FAM135B: variants seen among roughly 807,000 people sequenced by gnomAD.
The protein encoded by FAM135B is family with sequence similarity 135 member B, also known as protein FAM135B.
A neutral mutation model predicts 127.7 loss-of-function variants in FAM135B; 43 were observed. The ratio of observed to expected loss-of-function variants is 0.34; its 90% confidence interval spans 0.26 to 0.43. The LOEUF (loss-of-function observed/expected upper bound fraction) is 0.43. FAM135B is among the 20% of genes least tolerant of loss of function. The probability of loss-of-function intolerance (pLI) is 1.00; values close to 1 mark genes in which losing one functional copy is unlikely to be tolerated. For missense variants in FAM135B, 1,558 were observed against 1,725.6 expected, an observed-to-expected ratio of 0.90 and a Z score of 1.72; for synonymous variants, 670 against 665.1, an observed-to-expected ratio of 1.01 and a Z score of -0.11.
At chr8:138,222,479 A>C (rs1011233252) in intron 7 of FAM135B, among the ~76,000 whole-genome samples, 1 of 152,152 alleles carries the variant, frequency 6.6e-6, no homozygotes, top group Non-Finnish European at 1.5e-5. Context: ...CCAATGATTC[A>C]CACAGTCCAT....
intron 7 of FAM135B, among the ~76,000 whole-genome samples, chr8:138,231,877 T>G (rs1819931956): frequency 6.6e-6 from 1 of 152,120 alleles, no homozygotes; most frequent in African/African-American, 2.4e-5. Flanking sequence ...GGGTTTGTAA[T>G]GTCACCATCA....
At chr8:138,283,768 C>T (rs1824460525) in intron 3 of FAM135B, among the ~76,000 whole-genome samples, 1 of 152,114 alleles carries the variant, frequency 6.6e-6, no homozygotes, top group Non-Finnish European at 1.5e-5. Flanking sequence ...TGCACAGACA[C>T]ACCACTAAGA....
intron 3 of FAM135B, among the ~76,000 whole-genome samples, chr8:138,275,349 G>C (rs962888114): frequency 2.0e-5 from 3 of 151,850 alleles, no homozygotes; most frequent in Non-Finnish European, 4.4e-5. Context: ...CTTACTTTTT[G>C]CTTCTGCTCT....
chr8:138,140,005 T>C (rs901157604), intron 17 of FAM135B, among the ~76,000 whole-genome samples: 4 of 152,200 alleles, frequency 2.6e-5, no homozygotes, highest in Non-Finnish European at 4.4e-5. Context: ...ATTGGAGATA[T>C]TATTGGTAAA....
chr8:138,453,240 T>G (rs1836590537), intron 1 of FAM135B, among the ~76,000 whole-genome samples: 1 of 152,128 alleles, frequency 6.6e-6, no homozygotes, highest in Non-Finnish European at 1.5e-5. Context: ...TCAGCTTTTT[T>G]CCCCGCATTC....
chr8:138,424,724 C>G (rs1269283371), intron 1 of FAM135B, among the ~76,000 whole-genome samples: 1 of 152,138 alleles, frequency 6.6e-6, no homozygotes, highest in Non-Finnish European at 1.5e-5. Flanking sequence ...CTTGTCCATT[C>G]CACTAGATTT....
chr8:138,441,725 T>A (rs1027234112), intron 1 of FAM135B: 2 of 136,672 alleles, frequency 1.5e-5, no homozygotes, highest in Non-Finnish European at 3.1e-5. Context: ...GCTTCTCTGC[T>A]TTTTTTTTTT....
chr8:138,208,696 G>A (rs2129794853), intron 7 of FAM135B, among the ~76,000 whole-genome samples: 1 of 152,324 alleles, frequency 6.6e-6, no homozygotes, highest in Non-Finnish European at 1.5e-5. Context: ...TGAGGATAAA[G>A]GGGAAAGAGT....
chr8:138,139,276 G>C (rs4434667), intron 17 of FAM135B, among the ~76,000 whole-genome samples, 180 bp from the exon 18 acceptor site: 86,772 of 151,946 alleles, frequency 0.57, 25,671 homozygotes, highest in Non-Finnish European at 0.64. Flanking sequence ...TCACGTACTG[G>C]TGGAAAGGAC....
chr8:138,390,957 C>T (rs1832535043), intron 1 of FAM135B, among the ~76,000 whole-genome samples: 1 of 152,116 alleles, frequency 6.6e-6, no homozygotes, highest in South Asian at 2.1e-4. Flanking sequence ...ACAGGTGCTA[C>T]CCAGGGAAAG....
intron 2 of FAM135B, among the ~76,000 whole-genome samples, chr8:138,356,783 C>A (rs1208231136): frequency 6.6e-6 from 1 of 152,092 alleles, no homozygotes; most frequent in African/African-American, 2.4e-5. Flanking sequence ...CCACGGAAAC[C>A]CTTACATCAG....
intron 6 of FAM135B, among the ~76,000 whole-genome samples, chr8:138,246,194 A>C (rs1821269147): frequency 6.6e-6 from 1 of 152,212 alleles, no homozygotes; most frequent in South Asian, 2.1e-4. Context: ...CATTTTCTGG[A>C]AAGAAACTCA....
intron 2 of FAM135B, among the ~76,000 whole-genome samples, chr8:138,338,230 A>G (rs1459143026): frequency 6.6e-6 from 1 of 151,696 alleles, no homozygotes; most frequent in African/African-American, 2.4e-5. Flanking sequence ...CACCAAAAGC[A>G]ATGGCAACAA....
At chr8:138,163,263 C>T (rs1259061328) in intron 12 of FAM135B, among the ~76,000 whole-genome samples, 1 of 152,152 alleles carries the variant, frequency 6.6e-6, no homozygotes, top group Admixed American at 6.5e-5. Context: ...CAAAACCAGA[C>T]AATCTGACAA....
rs1820935546 is a variant in FAM135B at position 138,242,844 on chromosome 8, T to C, written c.669+98A>G. On this transcript the variant is annotated intron_variant, in intron 7 of 19. Coordinates refer to ENST00000395297, the MANE Select transcript of FAM135B (RefSeq NM_015912.4). This position sits in a 1 kb window ranked among gnomAD's most constrained non-coding sequence, Gnocchi z 9.6. Reference sequence around the variant, plus strand: ...GAAGGGTCAAATTAGCAAAAATCTCTGAAGGGGATGTTTCAAAGAAGCATG... The same window carrying C: ...GAAGGGTCAAATTAGCAAAAATCTCCGAAGGGGATGTTTCAAAGAAGCATG... 1 of 1,473,274 alleles carries C rather than the reference T, an allele frequency of 6.8e-7. No individual in the cohort carries two copies. The highest frequency in any genetic ancestry group is 9.0e-7 in the Non-Finnish European group (1 of 1,106,160). 91.3% of individuals were successfully genotyped at this position (1,473,274 alleles called of 1,614,324 possible).
At chr8:138,366,870 T>C (rs1017007116) in intron 2 of FAM135B, among the ~76,000 whole-genome samples, 2 of 152,154 alleles carry the variant, frequency 1.3e-5, no homozygotes, top group Admixed American at 6.5e-5. Flanking sequence ...GAAAAACAAC[T>C]TTATGCAAAT....
intron 5 of FAM135B, among the ~76,000 whole-genome samples, chr8:138,251,514 T>C (rs1377742450): frequency 1.3e-5 from 2 of 152,126 alleles, no homozygotes; most frequent in Non-Finnish European, 2.9e-5. Context: ...TGGCAGGTAT[T>C]GAGAATATAA....
chr8:138,359,358 A>C (rs1379574152), intron 2 of FAM135B, among the ~76,000 whole-genome samples: 1 of 152,154 alleles, frequency 6.6e-6, no homozygotes, highest in East Asian at 1.9e-4. Context: ...GAACAACTGA[A>C]AAGTCATGAG....
chr8:138,227,471 T>C (rs944768961), intron 7 of FAM135B, among the ~76,000 whole-genome samples: 5 of 152,228 alleles, frequency 3.3e-5, no homozygotes. Flanking sequence ...ACTCCAGGCA[T>C]ACAACTGCTC....
Sources: allele counts gnomAD v4.1 joint callset (sites outside exome capture counted in the v4.1 genomes callset), GRCh38; gene constraint gnomAD v4.1.1; non-coding constraint Gnocchi (gnomAD v3.1); transcripts MANE v1.5; gene names NCBI Gene and HGNC (gene_info 2026-07-23, HGNC 2026-07-21).